FOCAD: variants seen among roughly 807,000 people sequenced by gnomAD.
FOCAD encodes the protein KIAA1797.
A neutral mutation model predicts 225.6 loss-of-function variants in FOCAD; 198 were observed. That is an observed-to-expected ratio of 0.88 (90% CI 0.78 to 0.99). The LOEUF (loss-of-function observed/expected upper bound fraction) is 0.99, where lower values mean the gene tolerates loss of function less well. FOCAD is among the 50% of genes least tolerant of loss of function. The probability of loss-of-function intolerance (pLI) is 0.00; values close to 1 mark genes in which losing one functional copy is unlikely to be tolerated. For synonymous variants in FOCAD, 897 were observed against 755.0 expected (o/e 1.19, Z -3.08); for missense variants, 2,713 against 2,123.6 (o/e 1.28, Z -5.46).
chr9:20,838,573 A>G (rs1291531475), intron 15 of FOCAD, among the ~76,000 whole-genome samples: 1 of 152,182 alleles, frequency 6.6e-6, no homozygotes, highest in African/African-American at 2.4e-5. Context: ...CTACACTTGT[A>G]ACCTCAATAG....
rs769449117 is a variant in FOCAD at position 20,948,400 on chromosome 9, G to A, written c.3798+7G>A. On this transcript the variant is annotated splice_region_variant and intron_variant, in intron 31 of 43. Transcript: ENST00000338382. The stretch of plus-strand genomic sequence containing the variant: ...CAGAATTGTTCTAACAGAGGTAGAG[G>A]TCACCTGTTGTATGCTATTTCATAT... The A allele has an allele frequency of 3.7e-6, 6 of 1,607,880 alleles. No homozygotes were observed. In the South Asian group the frequency reaches 5.6e-5, roughly 15 times the overall value.
At chr9:20,976,759 C>G (rs1291767595) in intron 36 of FOCAD, among the ~76,000 whole-genome samples, 1 of 152,150 alleles carries the variant, frequency 6.6e-6, no homozygotes, top group South Asian at 2.1e-4. Flanking sequence ...AGGCCAGATA[C>G]ACCTGCCAAA....
intron 1 of FOCAD, among the ~76,000 whole-genome samples, chr9:20,700,937 A>G (rs1385221736): frequency 6.6e-6 from 1 of 152,242 alleles, no homozygotes; most frequent in Non-Finnish European, 1.5e-5. Context: ...TGTCCAGGGT[A>G]ATAATGCAGC....
At chr9:20,982,509 G>A in intron 39 of FOCAD, 63 bp downstream of exon 39, 3 of 1,329,438 alleles carry the variant, frequency 2.3e-6, no homozygotes, top group East Asian at 2.3e-5. Context: ...TTGAATAATT[G>A]ATTTCAGTGT....
intron 36 of FOCAD, 84 bp from the exon 37 acceptor site, chr9:20,978,255 A>G: frequency 1.3e-6 from 1 of 792,664 alleles, no homozygotes; most frequent in Non-Finnish European, 1.9e-6. Flanking sequence ...ACATAAGCAG[A>G]TGCTTTGATT....
At chr9:20,874,604 C>G (rs988448391) in intron 18 of FOCAD, 77 bp from the exon 19 acceptor site, 112 of 1,505,352 alleles carry the variant, frequency 7.4e-5, no homozygotes, top group Non-Finnish European at 9.0e-5. Flanking sequence ...AATCTTGTCA[C>G]AAAAAAGGAT....
rs754749343 is a variant in FOCAD at position 20,986,346 on chromosome 9, C to T, written c.4787C>T (p.Pro1596Leu). The T allele has an allele frequency of 1.8e-5, 28 of 1,523,612 alleles. No homozygotes were observed. In the South Asian group the frequency reaches 2.6e-4, roughly 14 times the overall value. 94.4% of individuals were successfully genotyped at this position (1,523,612 alleles called of 1,614,324 possible). ...KLYLVSQGRF[P>L]LVNLTDMLSV... is the part of the protein sequence containing the mutation. ...TACTTAGTCTCTCAAGGACGATTCC[C>T]CTTGGTGAACCTGACCGATATGCTG... The change falls in exon 40 of 44, where the codon CCC becomes CTC. Residue 1596 changes from proline (P) to leucine (L), a missense_variant. Transcript: ENST00000338382.
intron 21 of FOCAD, among the ~76,000 whole-genome samples, chr9:20,905,953 C>T (rs1248809903): frequency 1.4e-5 from 2 of 147,246 alleles, no homozygotes; most frequent in Non-Finnish European, 3.0e-5. Context: ...TTTTTAAAAA[C>T]AGCAATGCCA....
intron 35 of FOCAD, among the ~76,000 whole-genome samples, chr9:20,971,321 TCTA>T (rs1412092766): frequency 2.6e-5 from 4 of 152,206 alleles, no homozygotes; most frequent in African/African-American, 9.6e-5. Context: ...CACTTCCACT[TCTA>T]CTTTTTCTTT....
rs138266017 is a variant in FOCAD at position 20,891,221 on chromosome 9, A to G, written c.2625+5991A>G. On this transcript the variant is annotated intron_variant, in intron 21 of 43. Transcript: ENST00000338382. The stretch of plus-strand genomic sequence containing the variant: ...TCTTCACCAACCAGATGTCCCCCCA[A>G]TTGGGCCTCCCTATTCTCTGAGACA... Among the ~76,000 whole-genome samples, 399 of 152,206 alleles carry G rather than the reference A, an allele frequency of 2.6e-3. 2 individuals carry two copies. The highest frequency in any genetic ancestry group is 8.8e-3 in the African/African-American group (367 of 41,540).
intron 24 of FOCAD, among the ~76,000 whole-genome samples, chr9:20,921,219 T>C (rs1834395133): frequency 6.6e-6 from 1 of 152,202 alleles, no homozygotes; most frequent in Admixed American, 6.5e-5. Flanking sequence ...GTCACTTTAC[T>C]AATATGTAAT....
chr9:20,720,682 A>C, intron 4 of FOCAD, 148 bp downstream of exon 4: 1 of 771,782 alleles, frequency 1.3e-6, no homozygotes, highest in Non-Finnish European at 2.0e-6. Context: ...TCATATATGA[A>C]AATATCATGC....
intron 1 of FOCAD, among the ~76,000 whole-genome samples, chr9:20,712,497 A>G (rs994791080): frequency 1.4e-5 from 2 of 143,448 alleles, no homozygotes; most frequent in African/African-American, 5.1e-5. Flanking sequence ...TGTCTCTACT[A>G]AAAATACAAA....
At chr9:20,856,844 CTGTCCTTTCCCAG>C (rs1351416392) in intron 15 of FOCAD, among the ~76,000 whole-genome samples, 1 of 151,638 alleles carries the variant, frequency 6.6e-6, no homozygotes, top group African/African-American at 2.4e-5. Context: ...TTATTGAAGA[CTGTCCTTTCCCAG>C]TGTATGTTCT....
rs147277690 is a variant in FOCAD at position 20,962,047 on chromosome 9, C to G, written c.4132+8982C>G. On this transcript the variant is annotated intron_variant, in intron 35 of 43. Transcript: ENST00000338382. ...CTAATAGGCAATGCTGTAATTCTCT[C>G]TGCCTGTGTTTTCTATGGACTTAGT... Among the ~76,000 whole-genome samples the G allele has an allele frequency of 9.1e-4, 139 of 152,226 alleles. 2 individuals carry two copies. The highest frequency in any genetic ancestry group is 3.3e-3 in the African/African-American group (137 of 41,508).
intron 28 of FOCAD, among the ~76,000 whole-genome samples, chr9:20,942,813 A>G (rs1029093153): frequency 6.6e-6 from 1 of 152,184 alleles, no homozygotes; most frequent in Admixed American, 6.5e-5. Context: ...TACCCCAAAT[A>G]ATTTTCATCA....
upstream of FOCAD, among the ~76,000 whole-genome samples, chr9:20,680,512 G>A (rs1015849225): frequency 1.3e-5 from 2 of 152,118 alleles, no homozygotes; most frequent in African/African-American, 2.4e-5. Context: ...CTGAGATTGC[G>A]TCATTGCACT....
Position 20,988,329 on chromosome 9 carries a change from C to CA in FOCAD, c.4907-2dup. 6.3e-7 allele frequency: 1 copy of CA among 1,586,198 alleles called. No homozygotes were observed. Among genetic ancestry groups the CA allele is most frequent in the Non-Finnish European group, 8.6e-7 (1 of 1,160,428 alleles). On this transcript the variant is annotated splice_region_variant and splice_polypyrimidine_tract_variant and intron_variant, in intron 40 of 43. Transcript: ENST00000338382. The stretch of plus-strand genomic sequence containing the variant: ...TAGTAAGAAAATACCCTTTTCATTT[C>CA]AGGCGTTTTGAAGAGAATGGAGTGG...
At chr9:20,741,676 CTTTTT>C (rs10675694) in intron 5 of FOCAD, among the ~76,000 whole-genome samples, 5 of 87,194 alleles carry the variant, frequency 5.7e-5, no homozygotes, top group East Asian at 3.4e-4. Flanking sequence ...GGTAAATATG[CTTTTT>C]TTTTTTTTTT....
Sources: allele counts gnomAD v4.1 joint callset (sites outside exome capture counted in the v4.1 genomes callset), GRCh38; gene constraint gnomAD v4.1.1; transcripts MANE v1.5; gene names NCBI Gene and HGNC (gene_info 2026-07-23, HGNC 2026-07-21).